The following MAPK8IP2 variants were observed in gnomAD, a reference collection of about 807,000 sequenced individuals.
The protein encoded by MAPK8IP2 is mitogen-activated protein kinase 8 interacting protein 2, also known as C-Jun-amino-terminal kinase-interacting protein 2.
MAPK8IP2 carries 15 observed loss-of-function variants against 75.6 expected under a neutral mutation model. The ratio of observed to expected loss-of-function variants is 0.20; its 90% confidence interval spans 0.13 to 0.31. MAPK8IP2 has a LOEUF of 0.31. Ranked by LOEUF, MAPK8IP2 falls within the 10% of genes least tolerant of loss-of-function variation. MAPK8IP2 has a pLI of 1.00. For synonymous variants in MAPK8IP2, 632 were observed against 554.5 expected, an observed-to-expected ratio of 1.14 and a Z score of -1.96; for missense variants, 1,089 against 1,211.2, an observed-to-expected ratio of 0.90 and a Z score of 1.50.
chr22:50,602,476 C>T (rs1275303456), intron 2 of MAPK8IP2, among the ~76,000 whole-genome samples: 1 of 152,192 alleles, frequency 6.6e-6, no homozygotes, highest in Non-Finnish European at 1.5e-5. Flanking sequence ...GGGAGAAAGA[C>T]TTGTAAGGGA....
At position 50,604,579 on chromosome 22, in the gene MAPK8IP2, C is replaced by G; in HGVS notation, c.1280C>G (p.Pro427Arg). The G allele has an allele frequency of 3.9e-6, 5 of 1,289,502 alleles. No individual in the cohort carries two copies. Among genetic ancestry groups the G allele is most frequent in the Non-Finnish European group, 4.9e-6 (5 of 1,023,616 alleles). 79.9% of individuals were successfully genotyped at this position (1,289,502 alleles called of 1,614,324 possible). A position where few individuals can be genotyped will look rare whatever the true frequency, so the allele number is the denominator to read the frequency against. Residue 427 changes from proline (P) to arginine (R), a missense_variant, in exon 5 of 12, where the codon CCC (proline) becomes CGC (arginine). Transcript: ENST00000329492. ...CCGCCCGCGCCCGCCGCGCCTCGACCCGGCCCCGCGCAGCCCGGGCCCTGC... is the reference window on the plus strand; with the variant it reads ...CCGCCCGCGCCCGCCGCGCCTCGACGCGGCCCCGCGCAGCCCGGGCCCTGC... The part of the protein sequence containing the change: ...PPPPAPAAPR[P>R]GPAQPGPCLF...
At position 50,610,979 on chromosome 22, in the gene MAPK8IP2, G is replaced by A. The variant is rs572055286; in HGVS notation, c.*200G>A. 2.7e-5 allele frequency: 15 copies of A among 551,836 alleles called. No homozygotes were observed. Among genetic ancestry groups the A allele is most frequent in the Non-Finnish European group, 4.2e-5 (13 of 308,496 alleles). 34.2% of individuals were successfully genotyped at this position (551,836 alleles called of 1,614,324 possible). ...GGGGCTGCGGGGGAGTGGAGCCCCC[G>A]TGCCCCTGCTTTTCCTCAGATCCGT... On this transcript the variant is annotated 3_prime_UTR_variant, in exon 12 of 12. Coordinates refer to ENST00000329492, the MANE Select transcript of MAPK8IP2 (RefSeq NM_012324.6). The surrounding 1 kb of genome is among the most constrained non-coding windows in gnomAD (Gnocchi z 4.3).
intron 8 of MAPK8IP2, 40 bp downstream of exon 8, chr22:50,605,974 C>G: frequency 6.8e-7 from 1 of 1,479,888 alleles, no homozygotes; most frequent in South Asian, 1.2e-5. Context: ...TGAGGGTCCG[C>G]TTGGCGGCCA....
chr22:50,606,042 C>A, intron 8 of MAPK8IP2, 108 bp downstream of exon 8: 1 of 941,162 alleles, frequency 1.1e-6, no homozygotes. Flanking sequence ...GTCTGATTTC[C>A]TCCAGGGAGG....
rs769900755 is a variant in MAPK8IP2 at position 50,610,271 on chromosome 22, T to C, written c.2363T>C (p.Val788Ala). ...AGCCGCTTCGCCTGCCACGTCTTTG[T>C]CTCCCAGGAGTCCATGAGGCCGGTG... ...LLSRFACHVF[V>A]SQESMRPVAQ... The change falls in exon 11 of 12, where the codon GTC becomes GCC. Residue 788 changes from valine (V) to alanine (A), a missense_variant. Around this residue, in one of 2 missense-constraint regions of MAPK8IP2, gnomAD observed 129 missense variants for 201.7 expected, o/e 0.64. Transcript: ENST00000329492. This position sits in a 1 kb window ranked among gnomAD's most constrained non-coding sequence, Gnocchi z 4.3. The C allele has an allele frequency of 6.2e-7, 1 of 1,609,442 alleles. No homozygotes were observed. Among genetic ancestry groups the C allele is most frequent in the South Asian group, 1.1e-5 (1 of 89,970 alleles).
In MAPK8IP2 at chr22:50,604,018, G is replaced by T. The variant is rs1376343930; in HGVS notation, c.719G>T (p.Arg240Leu). 3 of 1,553,642 alleles carry T rather than the reference G, an allele frequency of 1.9e-6. No individual in the cohort carries two copies. Among genetic ancestry groups the T allele is most frequent in the Admixed American group, 1.9e-5 (1 of 52,740 alleles). ...CTGAGAAGCCGCTCGAGCGGCGGCC[G>T]CGGGGGACGTCGCAGCAGCCAGGAG... ...ADLRSRSSGG[R>L]GGRRSSQELS... is the part of the protein sequence containing the mutation. Residue 240 changes from arginine (R) to leucine (L), a missense_variant, in exon 5 of 12, where the codon CGC (arginine) becomes CTC (leucine). Coordinates refer to ENST00000329492, the MANE Select transcript of MAPK8IP2 (RefSeq NM_012324.6).
rs2070997246 is a variant in MAPK8IP2 at position 50,604,199 on chromosome 22, C to T, written c.900C>T (p.Ala300=). The T allele has an allele frequency of 6.5e-7, 1 of 1,544,456 alleles. No individual in the cohort carries two copies. Among genetic ancestry groups the T allele is most frequent in the African/African-American group, 1.4e-5 (1 of 73,132 alleles). Residue 300 remains alanine (A), a synonymous_variant, in exon 5 of 12, where the codon GCC becomes GCT. Transcript: ENST00000329492. ...SSHLTNSIEE[A]SSPASEPEPP... The stretch of plus-strand genomic sequence containing the variant: ...ACCTCACCAACTCCATCGAGGAGGC[C>T]TCGTCGCCCGCCTCGGAGCCGGAGC...
At position 50,603,339 on chromosome 22, in the gene MAPK8IP2, A is replaced by AGAG. The variant is rs572434194; in HGVS notation, c.308_310dup (p.Glu103dup). The AGAG allele has an allele frequency of 1.9e-4, 294 of 1,555,170 alleles. 1 individual carries two copies. In the African/African-American group the frequency reaches 2.1e-3, roughly 11 times the overall value. On this transcript the variant is annotated inframe_insertion, in exon 3 of 12. Coordinates refer to ENST00000329492, the MANE Select transcript of MAPK8IP2 (RefSeq NM_012324.6). Reference sequence around the variant, plus strand: ...AAGAGGAGGACGATGAGGACGAGGAAGAGGAGGAGGAGGAGGAGGAGGGAG... The same window carrying AGAG: ...AAGAGGAGGACGATGAGGACGAGGAAGAGGAGGAGGAGGAGGAGGAGGAGGGAG...
Position 50,601,856 on chromosome 22 carries a change from G to A in MAPK8IP2, c.133G>A (p.Gly45Ser). 5 of 1,613,926 alleles carry A rather than the reference G, an allele frequency of 3.1e-6. No individual in the cohort carries two copies. Among genetic ancestry groups the A allele is most frequent in the Non-Finnish European group, 4.2e-6 (5 of 1,179,842 alleles). ...EDLSEITDDC[G>S]LGLSYDSDHC... ...TCTGTCTGAGATCACTGATGACTGTGGCCTGGGCCTCAGCTACGACTCAGA... is the reference window on the plus strand; with the variant it reads ...TCTGTCTGAGATCACTGATGACTGTAGCCTGGGCCTCAGCTACGACTCAGA... Residue 45 changes from glycine (G) to serine (S), a missense_variant, in exon 2 of 12, where the codon GGC (glycine) becomes AGC (serine). Gly to Ser is a moderately conservative substitution (Grantham distance 56, BLOSUM62 0). Coordinates refer to ENST00000329492, the MANE Select transcript of MAPK8IP2 (RefSeq NM_012324.6).
intron 2 of MAPK8IP2, 82 bp from the exon 3 acceptor site, chr22:50,603,141 C>A (rs10439940): frequency 2.5e-6 from 4 of 1,605,388 alleles, no homozygotes; most frequent in Non-Finnish European, 3.4e-6. Context: ...TGATGCTCCC[C>A]GATTTCCCTT....
chr22:50,604,099 T>C lies in MAPK8IP2; in HGVS notation c.800T>C (p.Met267Thr). The change falls in exon 5 of 12, where the codon ATG becomes ACG. Residue 267 changes from methionine to threonine, a missense_variant. This residue lies in a region of MAPK8IP2 where 960 missense variants were observed against 1,009.6 expected (regional missense o/e 0.95). Coordinates refer to ENST00000329492, the MANE Select transcript of MAPK8IP2 (RefSeq NM_012324.6). The part of the protein sequence containing the change: ...EDAGGARLGR[M>T]ISSISETELE... ...GCGGGCGGCGCGCGCCTGGGGCGCA[T>C]GATCTCGTCCATCTCGGAGACGGAG... 1 of 1,550,662 alleles carries C rather than the reference T, an allele frequency of 6.4e-7. No individual in the cohort carries two copies. The highest frequency in any genetic ancestry group is 8.6e-7 in the Non-Finnish European group (1 of 1,157,046).
chr22:50,604,487 C>T lies in MAPK8IP2; in HGVS notation c.1188C>T (p.Asp396=). ...GCGGGGCCGCCCAGGACTCCCAGGACCCCGAGGCGGCCGCGGGGCCCGGCG... is the reference window on the plus strand; with the variant it reads ...GCGGGGCCGCCCAGGACTCCCAGGATCCCGAGGCGGCCGCGGGGCCCGGCG... ...PAGGAAQDSQ[D]PEAAAGPGGV... Residue 396 remains aspartate (D), a synonymous_variant, in exon 5 of 12, where the codon GAC becomes GAT. Transcript: ENST00000329492. 2 of 1,255,144 alleles carry T rather than the reference C, an allele frequency of 1.6e-6. No homozygotes were observed. Among genetic ancestry groups the T allele is most frequent in the Non-Finnish European group, 2.0e-6 (2 of 1,004,160 alleles). 77.8% of individuals were successfully genotyped at this position (1,255,144 alleles called of 1,614,324 possible).
At chr22:50,609,843 G>A (rs1430108822) in intron 10 of MAPK8IP2, 1 of 519,912 alleles carries the variant, frequency 1.9e-6, no homozygotes, top group African/African-American at 1.9e-5. Flanking sequence ...TAGGCCCGCA[G>A]GAGGAGGCCT....
rs1364820978 is a variant in MAPK8IP2, at chr22:50,603,413, C to T, written c.362C>T (p.Pro121Leu). 2.6e-6 allele frequency: 4 copies of T among 1,562,880 alleles called. No individual in the cohort carries two copies. ...GGDPGSEAPAPGPLIPSPSVE... is the reference protein window; with the variant it reads ...GGDPGSEAPALGPLIPSPSVE... ...GACCCTGGCTCAGAGGCACCTGCCC[C>T]CGGGCCCCTTATCCCCTCCCCTTCC... Residue 121 changes from proline to leucine, a missense_variant, in exon 3 of 12, where the codon CCC becomes CTC. Pro to Leu is a moderately conservative substitution (Grantham distance 98). This residue lies in a region of MAPK8IP2 where 960 missense variants were observed against 1,009.6 expected (regional missense o/e 0.95). Transcript: ENST00000329492.
rs2071185119 is a variant in MAPK8IP2 at position 50,613,742 on chromosome 22, T to A, written c.*2963T>A. On this transcript the variant is annotated 3_prime_UTR_variant, in exon 12 of 12. Coordinates refer to ENST00000329492, the MANE Select transcript of MAPK8IP2 (RefSeq NM_012324.6). ...CTGCCCTTCCCTGTTTGTCACTGGG[T>A]GACCTCCCGTCCTTGTGGGCGCTCC... 6.6e-6 allele frequency: 1 copy of A among 152,170 alleles called. No individual in the cohort carries two copies. Among genetic ancestry groups the A allele is most frequent in the African/African-American group, 2.4e-5 (1 of 41,422 alleles). 9.4% of individuals were successfully genotyped at this position (152,170 alleles called of 1,614,324 possible). A position where few individuals can be genotyped will look rare whatever the true frequency, so the allele number is the denominator to read the frequency against.
chr22:50,604,496 G>A lies in MAPK8IP2; in HGVS notation c.1197G>A (p.Ala399=). Residue 399 remains alanine, a synonymous_variant, in exon 5 of 12, where the codon GCG becomes GCA. Coordinates refer to ENST00000329492, the MANE Select transcript of MAPK8IP2 (RefSeq NM_012324.6). ...CCCAGGACTCCCAGGACCCCGAGGC[G>A]GCCGCGGGGCCCGGCGGCGTGGAGC... ...GAAQDSQDPE[A]AAGPGGVELV... 8.1e-7 allele frequency: 1 copy of A among 1,238,666 alleles called. No homozygotes were observed. The highest frequency in any genetic ancestry group is 1.0e-6 in the Non-Finnish European group (1 of 993,868). 76.7% of individuals were successfully genotyped at this position (1,238,666 alleles called of 1,614,324 possible).
At chr22:50,609,958 A>G (rs910445090) in intron 10 of MAPK8IP2, 1 of 669,610 alleles carries the variant, frequency 1.5e-6, no homozygotes, top group Admixed American at 1.8e-5. Context: ...ACCGGCTCAG[A>G]GAAGGGAGAG....
rs953994494 is a variant in MAPK8IP2, at chr22:50,607,387, T to C, written c.2303+396T>C. Among the ~76,000 whole-genome samples, 2 of 152,048 alleles carry C rather than the reference T, an allele frequency of 1.3e-5. No individual in the cohort carries two copies. Among genetic ancestry groups the C allele is most frequent in the Non-Finnish European group, 2.9e-5 (2 of 68,000 alleles). On this transcript the variant is annotated intron_variant, in intron 10 of 11. Transcript: ENST00000329492. This position sits in a 1 kb window ranked among gnomAD's most constrained non-coding sequence, Gnocchi z 5.6. Reference sequence around the variant, plus strand: ...TGTGGGATGCACTGGTCGGGGGCTATATAGGCTCTGGGGCCCGCGTGTAAG... The same window carrying C: ...TGTGGGATGCACTGGTCGGGGGCTACATAGGCTCTGGGGCCCGCGTGTAAG...
rs991129231 is a variant in MAPK8IP2 at position 50,611,579 on chromosome 22, A to G, written c.*800A>G. 2.0e-5 allele frequency: 3 copies of G among 152,382 alleles called. No individual in the cohort carries two copies. Among genetic ancestry groups the G allele is most frequent in the Admixed American group, 6.5e-5 (1 of 15,290 alleles). 9.4% of individuals were successfully genotyped at this position (152,382 alleles called of 1,614,324 possible). A position where few individuals can be genotyped will look rare whatever the true frequency, so the allele number is the denominator to read the frequency against. On this transcript the variant is annotated 3_prime_UTR_variant, in exon 12 of 12. Transcript: ENST00000329492. The surrounding 1 kb of genome is among the most constrained non-coding windows in gnomAD (Gnocchi z 5.5). ...GGCTGTTTCTAGAGGGTGCTAAGAC[A>G]TGGGGCCAGGTGCCCAGGGGCTGCC...
Sources: gnomAD v4.1 joint callset for allele counts (sites outside exome capture counted in the v4.1 genomes callset) on GRCh38, gnomAD v4.1.1 for gene constraint, gnomAD v4.1.1 regional missense constraint, Gnocchi (gnomAD v3.1) non-coding constraint, MANE v1.5 for transcripts, NCBI Gene and HGNC (gene_info 2026-07-23, HGNC 2026-07-21) for gene names.